The following SLC30A8 variants were observed in gnomAD, a reference collection of about 807,000 sequenced individuals.
The protein encoded by SLC30A8 is proton-coupled zinc antiporter SLC30A8.
A neutral mutation model predicts 36.9 loss-of-function variants in SLC30A8; 27 were observed. That is an observed-to-expected ratio of 0.73 (90% CI 0.54 to 1.01). SLC30A8 has a LOEUF of 1.01. Among genes scored for constraint, SLC30A8 ranks in the 50% least tolerant of loss-of-function variants. The pLI, the probability that SLC30A8 is intolerant of heterozygous loss-of-function variation, is 0.00. For missense variants in SLC30A8, 439 were observed against 452.0 expected, an observed-to-expected ratio of 0.97 and a Z score of 0.26; for synonymous variants, 164 against 172.4, an observed-to-expected ratio of 0.95 and a Z score of 0.38.
chr8:116,950,418 A>G (rs1020925773), upstream of SLC30A8: 7 of 152,254 alleles, frequency 4.6e-5, no homozygotes, highest in African/African-American at 1.7e-4. Flanking sequence ...ACATTTCCCA[A>G]TGCTCACCCT....
rs57441824 is a variant in SLC30A8 at position 117,126,545 on chromosome 8, C to CCCATCCATCCAT, written c.-225-8702_-225-8691dup. On this transcript the variant is annotated intron_variant, in intron 2 of 10. Coordinates refer to the SLC30A8 transcript ENST00000427715. Reference sequence around the variant, plus strand: ...GTACATTCCATCCATCATCCACCAACCCATCCATCCATCCATCCATCCATC... The same window carrying CCCATCCATCCAT: ...GTACATTCCATCCATCATCCACCAACCCATCCATCCATCCATCCATCCATCCATCCATCCATC... 4.8e-3 allele frequency among the ~76,000 whole-genome samples: 721 copies of CCCATCCATCCAT among 149,706 alleles called. 2 individuals are homozygous for CCCATCCATCCAT. Among genetic ancestry groups the CCCATCCATCCAT allele is most frequent in the African/African-American group, 0.016 (628 of 40,312 alleles).
chr8:116,962,676 A>T (rs1200274612), intron 1 of SLC30A8, among the ~76,000 whole-genome samples: 1 of 151,998 alleles, frequency 6.6e-6, no homozygotes, highest in African/African-American at 2.4e-5. Context: ...CTCTCAATAC[A>T]TTTATTCACG....
At chr8:116,982,487 T>A (rs1815301697) in intron 1 of SLC30A8, among the ~76,000 whole-genome samples, 1 of 152,156 alleles carries the variant, frequency 6.6e-6, no homozygotes, top group Non-Finnish European at 1.5e-5. Context: ...AGAGATAAAA[T>A]ACTTCTAATA....
rs527515320 is a variant in SLC30A8, at chr8:116,966,744, C to T, written c.-266+15625C>T. 5.3e-5 allele frequency among the ~76,000 whole-genome samples: 8 copies of T among 152,160 alleles called. 1 individual carries two copies. The highest frequency in any genetic ancestry group is 1.9e-4 in the African/African-American group (8 of 41,522). ...CATCAGATTCTTGAAGAAATATTTT[C>T]CCAATAATAGAAGAAAATTACCAGG... On this transcript the variant is annotated intron_variant, in intron 1 of 10. Transcript: ENST00000427715.
chr8:117,146,843 T>C, intron 1 of SLC30A8, 111 bp from the exon 2 acceptor site: 2 of 1,516,372 alleles, frequency 1.3e-6, no homozygotes, highest in Admixed American at 2.1e-5. Flanking sequence ...GAACACTTCA[T>C]AGCAAGTAAG....
intron 2 of SLC30A8, among the ~76,000 whole-genome samples, chr8:117,122,022 C>G (rs1452056366): frequency 6.6e-6 from 1 of 151,856 alleles, no homozygotes; most frequent in Non-Finnish European, 1.5e-5. Context: ...TTGTCACTAT[C>G]CTCTATGATA....
At chr8:117,096,010 C>T (rs541556368) in intron 2 of SLC30A8, among the ~76,000 whole-genome samples, 7 of 152,240 alleles carry the variant, frequency 4.6e-5, no homozygotes, top group African/African-American at 1.4e-4. Flanking sequence ...GAGCAACAGC[C>T]TCAACTCTTT....
In SLC30A8 at chr8:117,175,271, C is replaced by CTGAG. The variant is rs1368850141; in HGVS notation, c.*2592_*2595dup. On this transcript the variant is annotated 3_prime_UTR_variant, in exon 8 of 8. Coordinates refer to ENST00000456015, the MANE Select transcript of SLC30A8 (RefSeq NM_173851.3). ...TCTTTCAAAGCAACACTCTGTTCTT[C>CTGAG]TGAGTAGTGAAATCAGGTCAACTTT... 6 of 152,052 alleles carry CTGAG rather than the reference C, an allele frequency of 3.9e-5. No individual in the cohort carries two copies. The highest frequency in any genetic ancestry group is 1.5e-4 in the African/African-American group (6 of 41,376). 9.4% of individuals were successfully genotyped at this position (152,052 alleles called of 1,614,324 possible). A position where few individuals can be genotyped will look rare whatever the true frequency, so the allele number is the denominator to read the frequency against.
chr8:117,125,758 A>G (rs148730780), intron 2 of SLC30A8, among the ~76,000 whole-genome samples: 1 of 152,166 alleles, frequency 6.6e-6, no homozygotes, highest in Non-Finnish European at 1.5e-5. Flanking sequence ...CATGTCTCAT[A>G]ATAAATTGGT....
At chr8:117,032,477 G>A (rs759631344) in intron 1 of SLC30A8, among the ~76,000 whole-genome samples, 3 of 152,198 alleles carry the variant, frequency 2.0e-5, no homozygotes, top group Non-Finnish European at 4.4e-5. Flanking sequence ...AAGCCAGTTG[G>A]CTTATTTGAC....
Position 117,158,992 on chromosome 8 carries a change from A to G in SLC30A8, c.572+1148A>G, listed in dbSNP as rs1374940592. Among the ~76,000 whole-genome samples, 3 of 152,252 alleles carry G rather than the reference A, an allele frequency of 2.0e-5. No homozygotes were observed. In the East Asian group the frequency reaches 5.8e-4, roughly 29 times the overall value. On this transcript the variant is annotated intron_variant, in intron 4 of 7. Coordinates refer to ENST00000456015, the MANE Select transcript of SLC30A8 (RefSeq NM_173851.3). ...GGTCCACATAATGACAAGCGTCCTT[A>G]TAAGAGGGAGACAGGAGATCAGAGA...
At chr8:117,086,601 G>A (rs974610128) in intron 2 of SLC30A8, among the ~76,000 whole-genome samples, 1 of 152,148 alleles carries the variant, frequency 6.6e-6, no homozygotes, top group African/African-American at 2.4e-5. Flanking sequence ...CTGTAGAGTT[G>A]GATTTAGTGA....
intron 2 of SLC30A8, among the ~76,000 whole-genome samples, chr8:117,040,169 C>T (rs890845253): frequency 7.2e-5 from 11 of 152,178 alleles, no homozygotes; most frequent in African/African-American, 1.4e-4. Flanking sequence ...GTGACTAGTT[C>T]GGAATACAGA....
chr8:117,024,224 T>G (rs915704936), intron 1 of SLC30A8, among the ~76,000 whole-genome samples: 2 of 152,230 alleles, frequency 1.3e-5, no homozygotes, highest in Non-Finnish European at 2.9e-5. Context: ...AAAAACAAAT[T>G]GTGTTTTCTA....
chr8:117,067,133 G>A (rs1163079960), intron 2 of SLC30A8, among the ~76,000 whole-genome samples: 4 of 151,970 alleles, frequency 2.6e-5, no homozygotes, highest in African/African-American at 7.3e-5. Context: ...TCTTGAGAAC[G>A]CTCACTATCA....
At chr8:117,023,791 A>G (rs920965316) in intron 1 of SLC30A8, among the ~76,000 whole-genome samples, 1 of 152,012 alleles carries the variant, frequency 6.6e-6, no homozygotes, top group African/African-American at 2.4e-5. Flanking sequence ...TACTGGGTGC[A>G]GCACACCAAC....
chr8:117,138,870 G>C (rs989621228), intron 1 of SLC30A8, among the ~76,000 whole-genome samples: 6 of 152,002 alleles, frequency 3.9e-5, no homozygotes, highest in Admixed American at 3.3e-4. Flanking sequence ...ACTCATAGGA[G>C]AGGCAGGCCA....
chr8:117,169,978 G>T (rs1172306894), intron 6 of SLC30A8, among the ~76,000 whole-genome samples: 1 of 152,082 alleles, frequency 6.6e-6, no homozygotes, highest in East Asian at 1.9e-4. Flanking sequence ...TGGGGTTGGG[G>T]CTGGCTTTGG....
intron 6 of SLC30A8, among the ~76,000 whole-genome samples, chr8:117,170,166 A>C (rs1007657503): frequency 2.0e-5 from 3 of 152,132 alleles, no homozygotes; most frequent in Non-Finnish European, 4.4e-5. Flanking sequence ...GGTGTAACTT[A>C]GTCATCAGGA....
Sources: allele counts gnomAD v4.1 joint callset (sites outside exome capture counted in the v4.1 genomes callset), GRCh38; gene constraint gnomAD v4.1.1; transcripts MANE v1.5; gene names NCBI Gene and HGNC (gene_info 2026-07-23, HGNC 2026-07-21).